Variants in NINL observed in about 807,000 individuals in gnomAD.
NINL encodes ninein like.
A neutral mutation model predicts 160.3 loss-of-function variants in NINL; 153 were observed. That is an observed-to-expected ratio of 0.95 (90% CI 0.84 to 1.09). NINL has a LOEUF of 1.09. NINL is among the 50% of genes least tolerant of loss of function. The pLI, the probability that NINL is intolerant of heterozygous loss-of-function variation, is 0.00. For missense variants in NINL, 1,829 were observed against 1,764.0 expected (o/e 1.04, Z -0.66); for synonymous variants, 800 against 734.8 (o/e 1.09, Z -1.43).
chr20:25,578,936 G>C (rs1026072928), intron 1 of NINL, among the ~76,000 whole-genome samples: 3 of 152,134 alleles, frequency 2.0e-5, no homozygotes, highest in Admixed American at 2.0e-4. Flanking sequence ...GAACCCAGGA[G>C]TTCAAGTCAA....
chr20:25,534,301 T>C (rs2064520399), intron 1 of NINL, among the ~76,000 whole-genome samples: 1 of 152,230 alleles, frequency 6.6e-6, no homozygotes, highest in Admixed American at 6.5e-5. Context: ...CCTTTCTCTC[T>C]GCCTTTCTTG....
intron 16 of NINL, among the ~76,000 whole-genome samples, chr20:25,478,132 T>G (rs1048362090): frequency 1.7e-4 from 26 of 152,080 alleles, no homozygotes; most frequent in African/African-American, 6.0e-4. Flanking sequence ...GTGTTTTTAG[T>G]AGAGACAGGG....
intron 1 of NINL, among the ~76,000 whole-genome samples, chr20:25,564,186 G>A (rs2064975571): frequency 7.3e-6 from 1 of 137,706 alleles, no homozygotes; most frequent in African/African-American, 2.7e-5. Flanking sequence ...GTCTTGCTCT[G>A]TCACCCAGGC....
At chr20:25,540,537 C>T (rs1213719600) in intron 1 of NINL, among the ~76,000 whole-genome samples, 3 of 152,206 alleles carry the variant, frequency 2.0e-5, no homozygotes, top group African/African-American at 7.2e-5. Context: ...TTCATGACCA[C>T]TCGGAGGCAG....
At chr20:25,572,906 G>A (rs893707094) in intron 1 of NINL, among the ~76,000 whole-genome samples, 4 of 152,022 alleles carry the variant, frequency 2.6e-5, no homozygotes, top group Non-Finnish European at 5.9e-5. Context: ...AACATTCCAC[G>A]TCCCGGTCCA....
chr20:25,465,110 TCCAG>T (rs1390170084), intron 19 of NINL, among the ~76,000 whole-genome samples: 1 of 152,212 alleles, frequency 6.6e-6, no homozygotes, highest in Non-Finnish European at 1.5e-5. Context: ...CTGCATCTGC[TCCAG>T]CCTTTAGGCC....
In NINL at chr20:25,559,302, G is replaced by A. The variant is rs191207151; in HGVS notation, c.-12+26153C>T. 3.5e-3 allele frequency among the ~76,000 whole-genome samples: 539 copies of A among 151,906 alleles called. 5 individuals are homozygous for A. Among genetic ancestry groups the A allele is most frequent in the African/African-American group, 0.012 (499 of 41,402 alleles). On this transcript the variant is annotated intron_variant, in intron 1 of 23. Transcript: ENST00000278886. ...TGTCGCCAGGCTGGAGTGCAGTGGC[G>A]CGATCTCGGCTCACTGCAACCTCCA...
At chr20:25,531,973 A>G (rs1204426611) in intron 1 of NINL, among the ~76,000 whole-genome samples, 3 of 152,168 alleles carry the variant, frequency 2.0e-5, no homozygotes, top group East Asian at 1.9e-4. Flanking sequence ...TCTCAGGGGC[A>G]TCTTTCCCTT....
intron 2 of NINL, among the ~76,000 whole-genome samples, chr20:25,519,772 T>A (rs967335182): frequency 6.6e-6 from 1 of 151,740 alleles, no homozygotes; most frequent in Admixed American, 6.6e-5. Context: ...ATCCCAGCAC[T>A]TCGGGAGGCA....
intron 1 of NINL, among the ~76,000 whole-genome samples, chr20:25,561,138 C>G (rs1246788823): frequency 2.0e-5 from 3 of 152,022 alleles, no homozygotes. Context: ...ACCTCCCTGC[C>G]TGATTCTCCT....
At chr20:25,478,889 C>T in intron 16 of NINL, 34 bp downstream of exon 16, 1 of 1,484,070 alleles carries the variant, frequency 6.7e-7, no homozygotes, top group Non-Finnish European at 8.9e-7. Context: ...GCAAGAAACC[C>T]CAGACTTGAA....
intron 17 of NINL, among the ~76,000 whole-genome samples, chr20:25,473,528 T>TAAAATAAAATAAAAC (rs1210795152): frequency 6.7e-6 from 1 of 150,066 alleles, no homozygotes; most frequent in Non-Finnish European, 1.5e-5. Flanking sequence ...TAAAATAAAA[T>TAAAATAAAATAAAAC]AAAACAAAGT....
At chr20:25,535,008 T>C (rs2064531596) in intron 1 of NINL, among the ~76,000 whole-genome samples, 1 of 152,242 alleles carries the variant, frequency 6.6e-6, no homozygotes, top group Non-Finnish European at 1.5e-5. Context: ...TCATGGTTAG[T>C]TAAATCCACA....
chr20:25,577,394 C>T (rs751370342), intron 1 of NINL, among the ~76,000 whole-genome samples: 4 of 152,196 alleles, frequency 2.6e-5, no homozygotes, highest in Non-Finnish European at 5.9e-5. Flanking sequence ...GCTGGAAGTC[C>T]CAAGGCCACG....
rs756897194 is a variant in NINL, at chr20:25,476,028, GAGT to G, written c.3248+12_3248+14del. ...GTTTGAAGTGTTTAGTTTTAAGAATGAGTAGAAGGCAAACCTGTCGTTCTCTCT... is the reference window on the plus strand; with the variant it reads ...GTTTGAAGTGTTTAGTTTTAAGAATGAGAAGGCAAACCTGTCGTTCTCTCT... On this transcript the variant is annotated intron_variant, in intron 17 of 23. Transcript: ENST00000278886. The G allele has an allele frequency of 3.9e-5, 62 of 1,606,394 alleles. No homozygotes were observed. The highest frequency in any genetic ancestry group is 5.2e-5 in the Non-Finnish European group (61 of 1,176,430).
chr20:25,573,195 G>C (rs2065074405), intron 1 of NINL, among the ~76,000 whole-genome samples: 1 of 151,910 alleles, frequency 6.6e-6, no homozygotes, highest in African/African-American at 2.4e-5. Flanking sequence ...TACTCGGGAG[G>C]CTGAGGCAGG....
intron 10 of NINL, among the ~76,000 whole-genome samples, chr20:25,492,030 G>A (rs1440060031): frequency 1.3e-5 from 2 of 152,124 alleles, no homozygotes; most frequent in African/African-American, 4.8e-5. Context: ...CCATTAGCAG[G>A]AAAAACAGTG....
chr20:25,477,193 T>C, intron 16 of NINL, 104 bp from the exon 17 acceptor site: 2 of 1,134,670 alleles, frequency 1.8e-6, no homozygotes, highest in Non-Finnish European at 2.4e-6. Context: ...CTCCTCTCTG[T>C]GGTTGGCTTT....
At chr20:25,576,633 T>TTTTTTTTAA (rs987576831) in intron 1 of NINL, among the ~76,000 whole-genome samples, 1 of 126,162 alleles carries the variant, frequency 7.9e-6, no homozygotes, top group Non-Finnish European at 1.6e-5. Flanking sequence ...TAATTTTTCA[T>TTTTTTTTAA]TTTTTTTTGG....
Sources: allele counts gnomAD v4.1 joint callset (sites outside exome capture counted in the v4.1 genomes callset), GRCh38; gene constraint gnomAD v4.1.1; transcripts MANE v1.5; gene names NCBI Gene and HGNC (gene_info 2026-07-23, HGNC 2026-07-21).